The following NDUFAF6 variants were observed in gnomAD, a reference collection of about 807,000 sequenced individuals.
The protein encoded by NDUFAF6 is NADH dehydrogenase (ubiquinone) complex I, assembly factor 6.
In NDUFAF6, 45 loss-of-function variants were observed where a neutral mutation model predicts 40.8. The ratio of observed to expected loss-of-function variants is 1.10; its 90% CI spans 0.87 to 1.42. The LOEUF is 1.42. NDUFAF6 is among the 40% of genes most tolerant of loss of function. NDUFAF6 has a pLI of 0.00. For synonymous variants in NDUFAF6, 185 were observed against 155.9 expected, an observed-to-expected ratio of 1.19 and a Z score of -1.39; for missense variants, 435 against 418.5, an observed-to-expected ratio of 1.04 and a Z score of -0.34.
At chr8:95,114,385 G>T (rs1810083581) in intron 4 of NDUFAF6, among the ~76,000 whole-genome samples, 1 of 152,202 alleles carries the variant, frequency 6.6e-6, no homozygotes, top group Admixed American at 6.5e-5. Context: ...AAAGCAGCTG[G>T]TGCTGTGAGT....
chr8:94,950,539 G>T (rs888266926), intron 2 of NDUFAF6, among the ~76,000 whole-genome samples: 1 of 152,186 alleles, frequency 6.6e-6, no homozygotes, highest in African/African-American at 2.4e-5. Context: ...CAACAATGCT[G>T]GTTTTAAAGG....
At chr8:94,993,439 C>T (rs1165559892) in intron 2 of NDUFAF6, among the ~76,000 whole-genome samples, 3 of 152,194 alleles carry the variant, frequency 2.0e-5, no homozygotes, top group Non-Finnish European at 4.4e-5. Context: ...CTAGGCTGGC[C>T]TTGTGACTTG....
At chr8:94,930,890 C>G (rs1239671417) in intron 1 of NDUFAF6, among the ~76,000 whole-genome samples, 8 of 152,186 alleles carry the variant, frequency 5.3e-5, no homozygotes, top group Non-Finnish European at 1.5e-5. Flanking sequence ...TGTGACCCCA[C>G]TGACTGATAG....
intron 2 of NDUFAF6, among the ~76,000 whole-genome samples, chr8:94,999,609 G>A (rs1459532498): frequency 6.6e-6 from 1 of 151,616 alleles, no homozygotes; most frequent in Non-Finnish European, 1.5e-5. Context: ...TAGAGACAGG[G>A]TTTTGCTATG....
intron 2 of NDUFAF6, among the ~76,000 whole-genome samples, chr8:95,089,198 C>G (rs1192734900): frequency 6.6e-6 from 1 of 152,056 alleles, no homozygotes; most frequent in Admixed American, 6.5e-5. Context: ...GTAGCTGGGA[C>G]TACAGGCACA....
intron 1 of NDUFAF6, among the ~76,000 whole-genome samples, chr8:94,970,834 C>T (rs2131530358): frequency 6.6e-6 from 1 of 152,212 alleles, no homozygotes; most frequent in Non-Finnish European, 1.5e-5. Context: ...GGAAACTCAC[C>T]AAAATGTTCC....
intron 1 of NDUFAF6, among the ~76,000 whole-genome samples, chr8:94,921,674 C>T (rs1819511859): frequency 6.6e-6 from 1 of 152,210 alleles, no homozygotes; most frequent in African/African-American, 2.4e-5. Flanking sequence ...CAGTGCTTAT[C>T]AAACTTTAAA....
At chr8:94,953,081 C>T (rs559021580), upstream of NDUFAF6, among the ~76,000 whole-genome samples, 9 of 152,314 alleles carry the variant, frequency 5.9e-5, no homozygotes, top group East Asian at 9.6e-4. Flanking sequence ...GGCACGGTGG[C>T]TTACGCCTGT....
intron 4 of NDUFAF6, among the ~76,000 whole-genome samples, chr8:95,043,898 C>T (rs1463094785): frequency 8.6e-5 from 13 of 151,942 alleles, no homozygotes; most frequent in African/African-American, 3.1e-4. Context: ...GGTTTATACC[C>T]AAGATAAATG....
downstream of NDUFAF6, among the ~76,000 whole-genome samples, chr8:95,061,724 G>A (rs1832575768): frequency 6.6e-6 from 1 of 152,160 alleles, no homozygotes; most frequent in African/African-American, 2.4e-5. Context: ...GTATATAGTA[G>A]TTAAGAGTTT....
intron 1 of NDUFAF6, among the ~76,000 whole-genome samples, chr8:94,909,325 G>T (rs1818584436): frequency 8.9e-6 from 1 of 112,032 alleles, no homozygotes; most frequent in Admixed American, 1.2e-4. Context: ...CTCCAGCCTG[G>T]ACGACAGAGG....
At chr8:94,903,895 A>G (rs1489868920) in intron 1 of NDUFAF6, among the ~76,000 whole-genome samples, 1 of 152,150 alleles carries the variant, frequency 6.6e-6, no homozygotes, top group East Asian at 1.9e-4. Flanking sequence ...TGGGGCAGGC[A>G]GCACTGTCCT....
At chr8:94,941,004 C>G in intron 1 of NDUFAF6, 2 of 1,283,844 alleles carry the variant, frequency 1.6e-6, no homozygotes, top group Admixed American at 3.6e-5. Flanking sequence ...AAAACCTTGT[C>G]TTTAGTTGGC....
intron 2 of NDUFAF6, among the ~76,000 whole-genome samples, chr8:94,981,536 A>G (rs899354651): frequency 2.0e-5 from 3 of 152,212 alleles, no homozygotes; most frequent in African/African-American, 7.2e-5. Flanking sequence ...ATTAAGCAAC[A>G]CATGGAAGGG....
intron 1 of NDUFAF6, among the ~76,000 whole-genome samples, chr8:94,902,853 G>A (rs985870302): frequency 1.5e-4 from 22 of 151,666 alleles, no homozygotes; most frequent in African/African-American, 4.4e-4. Flanking sequence ...CCACCACCAC[G>A]CCCAGCTAAT....
At chr8:95,077,467 C>T (rs1220690632), downstream of NDUFAF6, among the ~76,000 whole-genome samples, 3 of 152,184 alleles carry the variant, frequency 2.0e-5, no homozygotes, top group African/African-American at 4.8e-5. Context: ...GGGATAGGAA[C>T]GTCTACAACG....
chr8:95,099,777 A>G (rs996374193), upstream of NDUFAF6, among the ~76,000 whole-genome samples: 2 of 152,144 alleles, frequency 1.3e-5, no homozygotes, highest in African/African-American at 4.8e-5. Context: ...TGGTGGGGGC[A>G]CAAAGCCATC....
intron 2 of NDUFAF6, among the ~76,000 whole-genome samples, chr8:95,011,264 T>C (rs1827217337): frequency 6.6e-6 from 1 of 152,158 alleles, no homozygotes; most frequent in Non-Finnish European, 1.5e-5. Flanking sequence ...TCAAATCTTA[T>C]CCATTTCCCT....
chr8:95,046,080 A>ATT (rs1400699747), intron 5 of NDUFAF6, among the ~76,000 whole-genome samples: 1 of 147,130 alleles, frequency 6.8e-6, no homozygotes, highest in African/African-American at 2.7e-5. Context: ...ATTTTATTTT[A>ATT]TGATGGAGTC....
Sources: gnomAD v4.1 joint callset for allele counts (sites outside exome capture counted in the v4.1 genomes callset) on GRCh38, gnomAD v4.1.1 for gene constraint, MANE v1.5 for transcripts, NCBI Gene and HGNC (gene_info 2026-07-23, HGNC 2026-07-21) for gene names.